The following WDR75 variants were observed in gnomAD, a reference collection of about 807,000 sequenced individuals.
WDR75 encodes the protein WD repeat domain 75.
WDR75 carries 52 observed loss-of-function variants against 106.1 expected under a neutral mutation model. The ratio of observed to expected loss-of-function variants is 0.49; its 90% CI spans 0.39 to 0.62. WDR75 has a LOEUF of 0.62. Among genes scored for constraint, WDR75 ranks in the 20% least tolerant of loss-of-function variants. WDR75 has a pLI of 0.00. For missense variants in WDR75, 905 were observed against 970.3 expected, an observed-to-expected ratio of 0.93 and a Z score of 0.89; for synonymous variants, 333 against 335.5, an observed-to-expected ratio of 0.99 and a Z score of 0.08.
chr2:189,442,442 C>CTTTTTTTTTTTTTTTTTT (rs1188214718), intron 1 of WDR75, among the ~76,000 whole-genome samples: 2 of 73,900 alleles, frequency 2.7e-5, no homozygotes, highest in Non-Finnish European at 4.8e-5. Flanking sequence ...CCACAATATT[C>CTTTTTTTTTTTTTTTTTT]TTTTTTTTTT....
intron 3 of WDR75, 68 bp downstream of exon 3, chr2:189,451,036 T>G: frequency 6.5e-7 from 1 of 1,527,588 alleles, no homozygotes; most frequent in Non-Finnish European, 8.7e-7. Context: ...ATGGTAGATG[T>G]ACTGTTTCTA....
intron 18 of WDR75, 94 bp from the exon 19 acceptor site, chr2:189,474,092 C>A: frequency 7.5e-7 from 1 of 1,341,856 alleles, no homozygotes; most frequent in South Asian, 1.5e-5. Flanking sequence ...CCTTTCATCC[C>A]AGACTTTTTA....
At position 189,473,303 on chromosome 2, in the gene WDR75, C is replaced by T. The variant is rs546637481; in HGVS notation, c.2050-883C>T. ...ACAAAGGTCTTCATCCTCATCTTCA[C>T]ATAGAGTAGGCTAAGGAAGAGAAGG... On this transcript the variant is annotated intron_variant, in intron 18 of 20. Coordinates refer to ENST00000314761, the MANE Select transcript of WDR75 (RefSeq NM_032168.3). Among the ~76,000 whole-genome samples, 363 of 152,262 alleles carry T rather than the reference C, an allele frequency of 2.4e-3. 1 individual carries two copies. The highest frequency in any genetic ancestry group is 4.5e-3 in the Non-Finnish European group (304 of 68,014).
In WDR75 at chr2:189,470,100, CA is replaced by C; in HGVS notation, c.1846del (p.Arg616GlyfsTer36). ...GTGTTTGTATTTAAACCTAGTGAGC[CA>C]AGGCCATTGTATATTCAAAAGGGTA... ...SDLFVFKPSE[P>X]RPLYIQKGIS... On this transcript the variant is annotated frameshift_variant, in exon 17 of 21. Transcript: ENST00000314761. LOFTEE classifies it high-confidence loss of function. 6.2e-7 allele frequency: 1 copy of C among 1,612,048 alleles called. No individual in the cohort carries two copies. Among genetic ancestry groups the C allele is most frequent in the Non-Finnish European group, 8.5e-7 (1 of 1,178,962 alleles).
In WDR75 at chr2:189,474,254, G is replaced by A. The variant is rs1687168790; in HGVS notation, c.2118G>A (p.Gln706=). ...TATTGGGAAAACACAGGCAACAGCA[G>A]GATGAAAAACTAAACGAAACTTTAG... ...YFILGKHRQQ[Q]DEKLNETLEN... is the part of the protein sequence containing the mutation. The change falls in exon 19 of 21, where the codon CAG becomes CAA. Residue 706 remains glutamine, a synonymous_variant. Coordinates refer to ENST00000314761, the MANE Select transcript of WDR75 (RefSeq NM_032168.3). The A allele has an allele frequency of 6.2e-7, 1 of 1,613,762 alleles. No individual in the cohort carries two copies. The highest frequency in any genetic ancestry group is 1.7e-5 in the Admixed American group (1 of 59,974).
At chr2:189,446,505 C>T (rs1686503091) in intron 1 of WDR75, among the ~76,000 whole-genome samples, 1 of 152,186 alleles carries the variant, frequency 6.6e-6, no homozygotes, top group South Asian at 2.1e-4. Context: ...TACAACCATG[C>T]CTCCTGGCTG....
intron 12 of WDR75, 147 bp downstream of exon 12, chr2:189,465,401 A>C: frequency 1.3e-6 from 1 of 796,404 alleles, no homozygotes; most frequent in Non-Finnish European, 1.9e-6. Context: ...AAAACCTTTA[A>C]GCTTTCTGCT....
At chr2:189,467,382 T>G (rs7606348) in intron 13 of WDR75, 86 bp from the exon 14 acceptor site, 1 of 1,400,084 alleles carries the variant, frequency 7.1e-7, no homozygotes, top group East Asian at 2.4e-5. Context: ...AAGTGAACCC[T>G]CAGATAATGG....
At chr2:189,452,089 A>G (rs1222781807) in intron 4 of WDR75, 194 bp downstream of exon 4, 1 of 510,610 alleles carries the variant, frequency 2.0e-6, no homozygotes, top group Non-Finnish European at 3.5e-6. Flanking sequence ...GGGAGGGATT[A>G]TTTTTTATGT....
rs1203738607 is a variant in WDR75 at position 189,441,549 on chromosome 2, T to C, written c.57T>C (p.Phe19=). 6.4e-7 allele frequency: 1 copy of C among 1,562,644 alleles called. No homozygotes were observed. ...VVRCGGSELN[F]RRAVFSADSK... is the part of the protein sequence containing the mutation. ...GTTGTGGCGGCAGCGAGTTGAACTT[T>C]AGGAGAGCTGTGTTCTCTGCAGATT... Residue 19 remains phenylalanine (F), a synonymous_variant, in exon 1 of 21, where the codon TTT becomes TTC. Coordinates refer to ENST00000314761, the MANE Select transcript of WDR75 (RefSeq NM_032168.3).
Position 189,450,035 on chromosome 2 carries a change from G to T in WDR75, c.217-868G>T, listed in dbSNP as rs534955056. ...GCCTATGTGTTAGTAAGGTCTTCTG[G>T]TGCTACCAAAGTATGGTCCACAGAC... On this transcript the variant is annotated intron_variant, in intron 2 of 20. Transcript: ENST00000314761. 21 of 985,034 alleles carry T rather than the reference G, an allele frequency of 2.1e-5. No individual in the cohort carries two copies. The South Asian group carries it at 8.0e-4, about 37-fold the overall frequency. The allele number at this position is 985,034 out of a possible 1,614,324, so 61.0% of individuals were successfully genotyped here. A position where few individuals can be genotyped will look rare whatever the true frequency, so the allele number is the denominator to read the frequency against.
In WDR75 at chr2:189,465,086, T is replaced by C; in HGVS notation, c.1121T>C (p.Ile374Thr). 6.3e-7 allele frequency: 1 copy of C among 1,588,568 alleles called. No individual in the cohort carries two copies. Among genetic ancestry groups the C allele is most frequent in the South Asian group, 1.1e-5 (1 of 87,234 alleles). Residue 374 changes from isoleucine (I) to threonine (T), a missense_variant, in exon 12 of 21, where the codon ATT becomes ACT. Coordinates refer to ENST00000314761, the MANE Select transcript of WDR75 (RefSeq NM_032168.3). Reference sequence around the variant, plus strand: ...GTTTTTTTTACTCATCAGTTAGATATTATACAGCAAGAATATATTAATGAT... The same window carrying C: ...GTTTTTTTTACTCATCAGTTAGATACTATACAGCAAGAATATATTAATGAT... ...QSDKQLYNLD[I>T]IQQEYINDYG...
At position 189,457,832 on chromosome 2, in the gene WDR75, G is replaced by C. The variant is rs184603848; in HGVS notation, c.569+451G>C. On this transcript the variant is annotated intron_variant, in intron 6 of 20. Transcript: ENST00000314761. ...CTAACAGAGTTGTACTGATGAATGA[G>C]GTGACGTATTTAGAGCAGCTAGTGC... Among the ~76,000 whole-genome samples the C allele has an allele frequency of 1.9e-3, 296 of 152,118 alleles. 1 individual carries two copies. The highest frequency in any genetic ancestry group is 6.6e-3 in the African/African-American group (273 of 41,488).
At chr2:189,444,574 A>G (rs562712800) in intron 1 of WDR75, among the ~76,000 whole-genome samples, 3 of 152,290 alleles carry the variant, frequency 2.0e-5, no homozygotes, top group South Asian at 4.1e-4. Flanking sequence ...CCCACAAGCT[A>G]ATGTCCCAAA....
At chr2:189,450,014 A>G (rs1686582763) in intron 2 of WDR75, 1 of 985,382 alleles carries the variant, frequency 1.0e-6, no homozygotes, top group Non-Finnish European at 1.2e-6. Flanking sequence ...AAGTAAGCCT[A>G]TGTGTTAGTA....
At chr2:189,447,096 T>G (rs1485237755) in intron 1 of WDR75, among the ~76,000 whole-genome samples, 1 of 152,216 alleles carries the variant, frequency 6.6e-6, no homozygotes, top group Non-Finnish European at 1.5e-5. Flanking sequence ...AATTTTCCAT[T>G]TAATATTTTC....
chr2:189,475,409 G>A lies in WDR75; in HGVS notation c.2485G>A (p.Ala829Thr). 2 of 1,597,970 alleles carry A rather than the reference G, an allele frequency of 1.3e-6. No individual in the cohort carries two copies. Among genetic ancestry groups the A allele is most frequent in the East Asian group, 4.5e-5 (2 of 44,626 alleles). ...GAAAATAGACTACAGCTGGATAGCT[G>A]CCCTTTAAGCCTTGGAGATGGGGAG... ...FRKIDYSWIA[A>T]L Residue 829 changes from alanine to threonine, a missense_variant, in exon 21 of 21, where the codon GCC (alanine) becomes ACC (threonine). Ala to Thr is a moderately conservative substitution (Grantham distance 58, BLOSUM62 0). Coordinates refer to ENST00000314761, the MANE Select transcript of WDR75 (RefSeq NM_032168.3).
At position 189,463,744 on chromosome 2, in the gene WDR75, C is replaced by T. The variant is rs1686946128; in HGVS notation, c.988C>T (p.Leu330=). 1 of 1,613,648 alleles carries T rather than the reference C, an allele frequency of 6.2e-7. No homozygotes were observed. The highest frequency in any genetic ancestry group is 1.1e-5 in the South Asian group (1 of 91,062). The change falls in exon 10 of 21, where the codon CTA becomes TTA. Residue 330 remains leucine, a synonymous_variant. Transcript: ENST00000314761. ...TGAAGCATCCGCAGTAATTCAAGGC[C>T]TAGTGAAAGGTATTGCAGAACTCAG... The part of the protein sequence containing the change: ...NLEASAVIQG[L]VKDRSIFTGL...
At position 189,462,540 on chromosome 2, in the gene WDR75, A is replaced by G. The variant is rs1289862578; in HGVS notation, c.835A>G (p.Thr279Ala). 1.6e-5 allele frequency: 26 copies of G among 1,614,116 alleles called. No individual in the cohort carries two copies. The highest frequency in any genetic ancestry group is 3.3e-5 in the South Asian group (3 of 91,080). The change falls in exon 9 of 21, where the codon ACA becomes GCA. Residue 279 changes from threonine (T) to alanine (A), a missense_variant. By Grantham distance (58) the Thr-to-Ala change is moderately conservative. Transcript: ENST00000314761. ...TGTACTTGTAGAGTGGCGCGATGCA[A>G]CAGAGAAGAATAAGGAGTTTCTCCC... ...ESVLVEWRDA[T>A]EKNKEFLPRL...
Sources: allele counts gnomAD v4.1 joint callset (sites outside exome capture counted in the v4.1 genomes callset), GRCh38; gene constraint gnomAD v4.1.1; transcripts MANE v1.5; gene names NCBI Gene and HGNC (gene_info 2026-07-23, HGNC 2026-07-21).